The following FAM81A variants were observed in gnomAD, a reference collection of about 807,000 sequenced individuals.
FAM81A encodes the protein family with sequence similarity 81 member A.
In FAM81A, 19 loss-of-function variants were observed where a neutral mutation model predicts 46.7. The observed-to-expected ratio is 0.41, with a 90% confidence interval of 0.28 to 0.60. FAM81A has a LOEUF of 0.60. FAM81A is among the 20% of genes least tolerant of loss of function. The probability of loss-of-function intolerance (pLI) is 0.34; values close to 1 mark genes in which losing one functional copy is unlikely to be tolerated. For synonymous variants in FAM81A, 183 were observed against 152.9 expected (o/e 1.20, Z -1.45); for missense variants, 377 against 453.5 (o/e 0.83, Z 1.53).
At chr15:59,511,479 T>A (rs1180998128) in intron 6 of FAM81A, among the ~76,000 whole-genome samples, 4 of 152,138 alleles carry the variant, frequency 2.6e-5, no homozygotes, top group Non-Finnish European at 5.9e-5. Flanking sequence ...TTAGCAAGGA[T>A]GTGGGGAACA....
intron 3 of FAM81A, among the ~76,000 whole-genome samples, chr15:59,491,009 A>G (rs1413912063): frequency 6.6e-6 from 1 of 152,196 alleles, no homozygotes; most frequent in Non-Finnish European, 1.5e-5. Context: ...CTTTGGAGGT[A>G]CCTCACAAAA....
chr15:59,437,536 G>A (rs1181900885), upstream of FAM81A, among the ~76,000 whole-genome samples: 17 of 152,106 alleles, frequency 1.1e-4, no homozygotes, highest in Admixed American at 1.1e-3. Context: ...GGTGTTCGGG[G>A]TTCTTCTTCT....
At chr15:59,431,125 A>G (rs1194382657) in intron 2 of FAM81A, among the ~76,000 whole-genome samples, 4 of 152,188 alleles carry the variant, frequency 2.6e-5, no homozygotes, top group African/African-American at 4.8e-5. Flanking sequence ...TGAGGGCACT[A>G]CTTAACCCAG....
intron 4 of FAM81A, among the ~76,000 whole-genome samples, chr15:59,506,760 A>G (rs183876503): frequency 6.6e-6 from 1 of 152,196 alleles, no homozygotes; most frequent in Non-Finnish European, 1.5e-5. Context: ...CCCCTGCTCT[A>G]CACCCTACTC....
intron 1 of FAM81A, among the ~76,000 whole-genome samples, chr15:59,441,356 A>G (rs1313534770): frequency 1.3e-5 from 2 of 152,244 alleles, no homozygotes; most frequent in South Asian, 2.1e-4. Context: ...ACTGTTCCGT[A>G]TGGTAGTCAC....
intron 3 of FAM81A, among the ~76,000 whole-genome samples, chr15:59,488,021 A>G (rs1296351402): frequency 6.6e-6 from 1 of 152,216 alleles, no homozygotes; most frequent in African/African-American, 2.4e-5. Context: ...AAAACCCTCA[A>G]CAAAATACTG....
At chr15:59,504,979 G>A (rs144095505) in intron 4 of FAM81A, among the ~76,000 whole-genome samples, 2 of 152,274 alleles carry the variant, frequency 1.3e-5, no homozygotes, top group East Asian at 3.9e-4. Flanking sequence ...TAAAATTCAT[G>A]TCTTTCTTCA....
At chr15:59,517,946 C>G (rs1357862269) in intron 8 of FAM81A, among the ~76,000 whole-genome samples, 3 of 151,286 alleles carry the variant, frequency 2.0e-5, no homozygotes, top group Non-Finnish European at 4.4e-5. Flanking sequence ...TTCTTTATTA[C>G]AAAGACAATA....
At chr15:59,459,541 G>T (rs547257520) in intron 2 of FAM81A, among the ~76,000 whole-genome samples, 30 of 152,094 alleles carry the variant, frequency 2.0e-4, no homozygotes, top group Non-Finnish European at 3.8e-4. Context: ...ACTCATTTAT[G>T]TCGCCTGCCT....
At chr15:59,520,563 A>ATTTTTTTTTTTTTTTT (rs71119482) in intron 8 of FAM81A, among the ~76,000 whole-genome samples, 1 of 122,250 alleles carries the variant, frequency 8.2e-6, no homozygotes, top group Non-Finnish European at 1.8e-5. Flanking sequence ...TGTTTGCTTC[A>ATTTTTTTTTTTTTTTT]TTTTTTTTTT....
At chr15:59,466,282 C>T (rs2081612084) in intron 3 of FAM81A, among the ~76,000 whole-genome samples, 2 of 152,252 alleles carry the variant, frequency 1.3e-5, no homozygotes, top group Admixed American at 6.5e-5. Flanking sequence ...AATCGCCACA[C>T]TGTCTTCCAC....
chr15:59,405,764 C>T (rs759138958), intron 2 of FAM81A, among the ~76,000 whole-genome samples: 3 of 152,194 alleles, frequency 2.0e-5, no homozygotes, highest in Non-Finnish European at 4.4e-5. Flanking sequence ...TGGCCTTGGG[C>T]CCATCCCTCT....
chr15:59,503,345 G>C (rs1175777298), intron 4 of FAM81A, among the ~76,000 whole-genome samples: 1 of 131,632 alleles, frequency 7.6e-6, no homozygotes, highest in African/African-American at 3.1e-5. Context: ...TTTCTCATAA[G>C]TAATAATAAG....
intron 3 of FAM81A, among the ~76,000 whole-genome samples, chr15:59,481,462 A>T (rs200302217): frequency 1.3e-5 from 2 of 152,136 alleles, no homozygotes; most frequent in East Asian, 3.8e-4. Context: ...ATAAACCATA[A>T]TTCCACCCTA....
At chr15:59,514,112 G>T (rs1411930337) in intron 6 of FAM81A, among the ~76,000 whole-genome samples, 177 bp from the exon 7 acceptor site, 1 of 152,140 alleles carries the variant, frequency 6.6e-6, no homozygotes, top group Non-Finnish European at 1.5e-5. Flanking sequence ...AGGAAAAATA[G>T]CTAATAGATG....
intron 4 of FAM81A, among the ~76,000 whole-genome samples, chr15:59,500,567 G>C (rs1207701166): frequency 6.6e-6 from 1 of 152,092 alleles, no homozygotes; most frequent in Non-Finnish European, 1.5e-5. Context: ...CTCCCGAGTT[G>C]CTGGGATTAC....
intron 3 of FAM81A, among the ~76,000 whole-genome samples, chr15:59,461,951 C>A (rs1452022401): frequency 6.6e-6 from 1 of 152,086 alleles, no homozygotes; most frequent in African/African-American, 2.4e-5. Context: ...TGCCTGTAAT[C>A]CCAGCTCTTA....
chr15:59,496,199 A>G (rs1486261967), intron 4 of FAM81A, among the ~76,000 whole-genome samples: 3 of 152,164 alleles, frequency 2.0e-5, no homozygotes, highest in Non-Finnish European at 4.4e-5. Context: ...TGTATATAGT[A>G]TAAGGTAAGG....
chr15:59,458,919 T>C (rs2081516690), intron 2 of FAM81A, among the ~76,000 whole-genome samples: 1 of 152,272 alleles, frequency 6.6e-6, no homozygotes, highest in Non-Finnish European at 1.5e-5. Context: ...CCTGTTAAGC[T>C]TTTTAAATCA....
Sources: allele counts gnomAD v4.1 joint callset (sites outside exome capture counted in the v4.1 genomes callset), GRCh38; gene constraint gnomAD v4.1.1; transcripts MANE v1.5; gene names NCBI Gene and HGNC (gene_info 2026-07-23, HGNC 2026-07-21).